The following IDH2 variants were observed in gnomAD, a reference collection of about 807,000 sequenced individuals.
IDH2 encodes the protein isocitrate dehydrogenase (NADP(+)) 2.
IDH2 carries 18 observed loss-of-function variants against 50.5 expected under a neutral mutation model. The ratio of observed to expected loss-of-function variants is 0.36; its 90% CI spans 0.25 to 0.53. IDH2 has a LOEUF of 0.53. Among genes scored for constraint, IDH2 ranks in the 20% least tolerant of loss-of-function variants. The pLI, the probability that IDH2 is intolerant of heterozygous loss-of-function variation, is 0.92. For synonymous variants in IDH2, 280 were observed against 239.8 expected (o/e 1.17, Z -1.55); for missense variants, 518 against 610.7 (o/e 0.85, Z 1.60).
In IDH2 at chr15:90,102,285, G is replaced by A; in HGVS notation, c.106C>T (p.Arg36Trp). 2 of 1,303,862 alleles carry A rather than the reference G, an allele frequency of 1.5e-6. No individual in the cohort carries two copies. The highest frequency in any genetic ancestry group is 2.0e-6 in the Non-Finnish European group (2 of 1,015,840). 80.8% of individuals were successfully genotyped at this position (1,303,862 alleles called of 1,614,324 possible). Residue 36 changes from arginine (R) to tryptophan (W), a missense_variant, in exon 1 of 11, where the codon CGG (arginine) becomes TGG (tryptophan). Transcript: ENST00000330062. Reference protein sequence around the residue: ...LTAPTSQEQPRRHYADKRIKV... With the variant: ...LTAPTSQEQPWRHYADKRIKV... ...TCCGCGCGGCACTCACAGTGGCGCC[G>A]CGGCTGCTCTTGCGAGGTGGGGGCT...
rs898896289 is a variant in IDH2 at position 90,098,583 on chromosome 15, C to T, written c.115+3693G>A. On this transcript the variant is annotated intron_variant, in intron 1 of 10. Coordinates refer to ENST00000330062, the MANE Select transcript of IDH2 (RefSeq NM_002168.4). The surrounding 1 kb of genome is among the most constrained non-coding windows in gnomAD (Gnocchi z 5.1). ...GTATTGAGACAGAGTCTCACTCTGT[C>T]GCCTACACTGGAGGGCAGTGGCGTG... Among the ~76,000 whole-genome samples, 7 of 98,606 alleles carry T rather than the reference C, an allele frequency of 7.1e-5. No homozygotes were observed. The highest frequency in any genetic ancestry group is 2.1e-4 in the Admixed American group (2 of 9,470). The allele number at this position is 98,606 out of a possible 152,430, so 64.7% of individuals were successfully genotyped here. A position where few individuals can be genotyped will look rare whatever the true frequency, so the allele number is the denominator to read the frequency against.
intron 1 of IDH2, among the ~76,000 whole-genome samples, chr15:90,094,449 T>C (rs970559735): frequency 2.6e-5 from 4 of 152,236 alleles, no homozygotes; most frequent in African/African-American, 9.6e-5. Context: ...CCAGCTCAGC[T>C]GAGAGCTGTG....
intron 1 of IDH2, among the ~76,000 whole-genome samples, chr15:90,101,784 C>T (rs992499629): frequency 6.6e-6 from 1 of 152,154 alleles, no homozygotes; most frequent in Non-Finnish European, 1.5e-5. Flanking sequence ...CTGGTATCAG[C>T]GCGCGCCTGG....
intron 6 of IDH2, 56 bp downstream of exon 6, chr15:90,087,383 G>A (rs2151548322): frequency 1.2e-6 from 2 of 1,613,546 alleles, no homozygotes; most frequent in Non-Finnish European, 8.5e-7. Flanking sequence ...GGGTAGGATG[G>A]GAACAGCATG....
chr15:90,091,482 A>C, intron 2 of IDH2, 71 bp downstream of exon 2: 1 of 1,191,708 alleles, frequency 8.4e-7, no homozygotes, highest in Non-Finnish European at 1.3e-6. Context: ...GCAGTCCAGA[A>C]GACCCTGTGG....
chr15:90,086,967 G>T, intron 7 of IDH2, 145 bp downstream of exon 7: 1 of 822,602 alleles, frequency 1.2e-6, no homozygotes, highest in East Asian at 2.5e-5. Context: ...CAGATGCCAG[G>T]GAGCTCCTGC....
chr15:90,092,341 A>ACTTCCTTTCCTTTCTTTC (rs1442117441), intron 1 of IDH2, among the ~76,000 whole-genome samples: 1 of 150,282 alleles, frequency 6.7e-6, no homozygotes, highest in South Asian at 2.1e-4. Context: ...ATCCTTACTT[A>ACTTCCTTTCCTTTCTTTC]CTTCCTTTCC....
chr15:90,088,282 A>T (rs1225145753), intron 5 of IDH2, 77 bp downstream of exon 5: 1 of 1,573,598 alleles, frequency 6.4e-7, no homozygotes, highest in Non-Finnish European at 8.7e-7. Flanking sequence ...CCATTACAGA[A>T]GAAAGGAAAG....
At position 90,085,041 on chromosome 15, in the gene IDH2, C is replaced by T. The variant is rs145046086; in HGVS notation, c.1138G>A (p.Glu380Lys). 1 of 1,614,034 alleles carries T rather than the reference C, an allele frequency of 6.2e-7. No homozygotes were observed. The highest frequency in any genetic ancestry group is 1.3e-5 in the African/African-American group (1 of 75,034). Residue 380 changes from glutamate (E) to lysine (K), a missense_variant, in exon 9 of 11, where the codon GAG (glutamate) becomes AAG (lysine). This residue lies in a region of IDH2 where 135 missense variants were observed against 167.6 expected (regional missense o/e 0.81). Coordinates refer to ENST00000330062, the MANE Select transcript of IDH2 (RefSeq NM_002168.4). This position sits in a 1 kb window ranked among gnomAD's most constrained non-coding sequence, Gnocchi z 5.5. ...TTCCCATCCAGCTTCCCCCGGTGCT[C>T]CAGGCCACGTGTCCAGGCAAAGATG... ...ASIFAWTRGLEHRGKLDGNQD... is the reference protein window; with the variant it reads ...ASIFAWTRGLKHRGKLDGNQD...
chr15:90,100,144 C>T lies in IDH2; in HGVS notation c.115+2132G>A, dbSNP rs1299619094. On this transcript the variant is annotated intron_variant, in intron 1 of 10. Coordinates refer to ENST00000330062, the MANE Select transcript of IDH2 (RefSeq NM_002168.4). This position sits in a 1 kb window ranked among gnomAD's most constrained non-coding sequence, Gnocchi z 4.1. ...TCTCTCTCCAGCAATAGGCCCCATG[C>T]CCTGAAGAAGCTTACAACCTACAGT... Among the ~76,000 whole-genome samples, 2 of 152,240 alleles carry T rather than the reference C, an allele frequency of 1.3e-5. No individual in the cohort carries two copies. Among genetic ancestry groups the T allele is most frequent in the East Asian group, 3.9e-4 (2 of 5,182 alleles).
At position 90,084,383 on chromosome 15, in the gene IDH2, G is replaced by A. The variant is rs542615343; in HGVS notation, c.1272-30C>T. On this transcript the variant is annotated intron_variant, in intron 10 of 10. Transcript: ENST00000330062. The surrounding 1 kb of genome is among the most constrained non-coding windows in gnomAD (Gnocchi z 5.0). The stretch of plus-strand genomic sequence containing the variant: ...AGAGAGAGCACCACTCACATCAGGG[G>A]TGGCTCCAGGCCTTGCCAAGGCCAT... The A allele has an allele frequency of 2.5e-6, 4 of 1,600,880 alleles. No homozygotes were observed. In the East Asian group the frequency reaches 6.7e-5, roughly 27 times the overall value.
intron 3 of IDH2, among the ~76,000 whole-genome samples, chr15:90,089,036 T>C (rs1036997071): frequency 4.0e-5 from 6 of 148,972 alleles, no homozygotes; most frequent in African/African-American, 1.5e-4. Context: ...TGCCTCAGCC[T>C]CCCGAGCAGC....
At position 90,084,110 on chromosome 15, in the gene IDH2, AAC is replaced by A. The variant is rs1223660905; in HGVS notation, c.*154_*155del. The A allele has an allele frequency of 6.2e-6, 4 of 644,632 alleles. No homozygotes were observed. The highest frequency in any genetic ancestry group is 3.6e-5 in the African/African-American group (2 of 55,462). The allele number at this position is 644,632 out of a possible 1,614,324, so 39.9% of individuals were successfully genotyped here. A position where few individuals can be genotyped will look rare whatever the true frequency, so the allele number is the denominator to read the frequency against. On this transcript the variant is annotated 3_prime_UTR_variant, in exon 11 of 11. Transcript: ENST00000330062. The surrounding 1 kb of genome is among the most constrained non-coding windows in gnomAD (Gnocchi z 5.0). ...CCTGCCTCACGTCACCATGAGGGGA[AAC>A]ACACATATGCTTTTAAAAACATCTG...
intron 2 of IDH2, 131 bp downstream of exon 2, chr15:90,091,422 A>G: frequency 1.3e-6 from 1 of 751,376 alleles, no homozygotes; most frequent in East Asian, 2.6e-5. Context: ...AGAGGGAGAG[A>G]AACAGAGCTG....
At chr15:90,097,079 C>T (rs991514548) in intron 1 of IDH2, among the ~76,000 whole-genome samples, 7 of 152,166 alleles carry the variant, frequency 4.6e-5, no homozygotes, top group Admixed American at 2.0e-4. Context: ...AAGCAACCCA[C>T]GTGTCCATCA....
chr15:90,091,752 GGCTCCAGCTGCC>G, intron 1 of IDH2, 108 bp from the exon 2 acceptor site: 2 of 894,020 alleles, frequency 2.2e-6, no homozygotes, highest in Admixed American at 3.5e-5. Flanking sequence ...AGAAAGCCAG[GGCTCCAGCTGCC>G]CGGTGTCCAC....
chr15:90,099,482 G>A (rs998542249), intron 1 of IDH2, among the ~76,000 whole-genome samples: 1 of 152,150 alleles, frequency 6.6e-6, no homozygotes, highest in Non-Finnish European at 1.5e-5. Context: ...GGGGGGAGAA[G>A]GGGGAGGCAG....
chr15:90,088,006 G>A (rs1264458171), intron 5 of IDH2, among the ~76,000 whole-genome samples: 1 of 152,064 alleles, frequency 6.6e-6, no homozygotes, highest in Non-Finnish European at 1.5e-5. Flanking sequence ...CATTGGAGCT[G>A]GAACTGGGGA....
chr15:90,096,997 G>A (rs997408575), intron 1 of IDH2, among the ~76,000 whole-genome samples: 4 of 151,862 alleles, frequency 2.6e-5, no homozygotes, highest in Non-Finnish European at 4.4e-5. Context: ...CAAAAATATC[G>A]AAAGCGGGGT....
Sources: allele counts gnomAD v4.1 joint callset (sites outside exome capture counted in the v4.1 genomes callset), GRCh38; gene constraint gnomAD v4.1.1; regional missense constraint gnomAD v4.1.1; non-coding constraint Gnocchi (gnomAD v3.1); transcripts MANE v1.5; gene names NCBI Gene and HGNC (gene_info 2026-07-23, HGNC 2026-07-21).